The following PDGFD variants were observed in gnomAD, a reference collection of about 807,000 sequenced individuals.
The protein encoded by PDGFD is platelet derived growth factor D.
A neutral mutation model predicts 44.7 loss-of-function variants in PDGFD; 30 were observed. The observed-to-expected ratio is 0.67, with a 90% CI of 0.50 to 0.91. The LOEUF (loss-of-function observed/expected upper bound fraction) is 0.91. Among genes scored for constraint, PDGFD ranks in the 40% least tolerant of loss-of-function variants. The pLI is 0.00. For synonymous variants in PDGFD, 173 were observed against 168.4 expected, an observed-to-expected ratio of 1.03 and a Z score of -0.21; for missense variants, 445 against 457.8, an observed-to-expected ratio of 0.97 and a Z score of 0.25.
chr11:104,139,445 A>G (rs1310101978), intron 1 of PDGFD, among the ~76,000 whole-genome samples: 1 of 152,202 alleles, frequency 6.6e-6, no homozygotes, highest in Admixed American at 6.5e-5. Context: ...TAACTATCTG[A>G]TAAACGGTGA....
chr11:103,949,784 T>C (rs1292964575), intron 3 of PDGFD, among the ~76,000 whole-genome samples: 1 of 152,000 alleles, frequency 6.6e-6, no homozygotes, highest in East Asian at 1.9e-4. Context: ...CCATGGAAGG[T>C]AGTAATAGGT....
At position 104,047,581 on chromosome 11, in the gene PDGFD, G is replaced by A. The variant is rs1057455802; in HGVS notation, c.125-47326C>T. Among the ~76,000 whole-genome samples, 12 of 146,632 alleles carry A rather than the reference G, an allele frequency of 8.2e-5. 2 individuals carry two copies. The highest frequency in any genetic ancestry group is 3.0e-4 in the African/African-American group (12 of 40,314). On this transcript the variant is annotated intron_variant, in intron 1 of 6. Transcript: ENST00000393158. Reference sequence around the variant, plus strand: ...CATATCCTTTGCCCACTTTTTGATGGGGTTGTTTGCAGGTTACATTATTTT... The same window carrying A: ...CATATCCTTTGCCCACTTTTTGATGAGGTTGTTTGCAGGTTACATTATTTT...
chr11:104,020,810 A>C (rs1190903165), intron 1 of PDGFD, among the ~76,000 whole-genome samples: 2 of 152,154 alleles, frequency 1.3e-5, no homozygotes, highest in African/African-American at 4.8e-5. Flanking sequence ...TGCTAATATA[A>C]AAGTATCAAA....
At chr11:104,120,168 T>C (rs1010586999) in intron 1 of PDGFD, among the ~76,000 whole-genome samples, 1 of 151,272 alleles carries the variant, frequency 6.6e-6, no homozygotes, top group Admixed American at 6.7e-5. Context: ...GCATTGATTA[T>C]TTTTTCAGAA....
chr11:104,095,283 A>G lies in PDGFD; in HGVS notation c.124+68521T>C, dbSNP rs145532007. Among the ~76,000 whole-genome samples, 99 of 151,712 alleles carry G rather than the reference A, an allele frequency of 6.5e-4. 1 individual carries two copies. In the South Asian group the frequency reaches 0.018, roughly 28 times the overall value. On this transcript the variant is annotated intron_variant, in intron 1 of 6. Transcript: ENST00000393158. ...TAATCTCCATAATGGAAAGAGTTTG[A>G]CGTTTTTTTTTCAATACTGTATACG...
rs576888601 is a variant in PDGFD at position 104,035,065 on chromosome 11, T to C, written c.125-34810A>G. ...GTATGTGTGTGTGTGTAAGTGGGGG[T>C]GGGGGAGAGTAGGGAGAAGGTGGCT... On this transcript the variant is annotated intron_variant, in intron 1 of 6. Transcript: ENST00000393158. 7.9e-5 allele frequency among the ~76,000 whole-genome samples: 12 copies of C among 151,968 alleles called. No homozygotes were observed. In the South Asian group the frequency reaches 2.3e-3, roughly 29 times the overall value.
intron 1 of PDGFD, among the ~76,000 whole-genome samples, chr11:104,115,596 C>A (rs992520794): frequency 1.3e-5 from 2 of 151,832 alleles, no homozygotes; most frequent in African/African-American, 4.8e-5. Context: ...ACTTTTAGTT[C>A]TTTAAGAAAC....
At chr11:104,132,001 A>C (rs918068445) in intron 1 of PDGFD, among the ~76,000 whole-genome samples, 5 of 150,420 alleles carry the variant, frequency 3.3e-5, no homozygotes, top group Non-Finnish European at 5.9e-5. Context: ...ACAAAACAAA[A>C]AAAACACTAT....
chr11:104,087,462 C>T (rs551209752), intron 1 of PDGFD, among the ~76,000 whole-genome samples: 3 of 152,292 alleles, frequency 2.0e-5, no homozygotes, highest in Non-Finnish European at 2.9e-5. Flanking sequence ...CCGCCTCAGT[C>T]TCCCAAAGTG....
chr11:103,986,701 C>T (rs574871224), intron 3 of PDGFD, among the ~76,000 whole-genome samples: 126 of 152,206 alleles, frequency 8.3e-4, no homozygotes, highest in African/African-American at 2.7e-3. Flanking sequence ...GAAACAAAGA[C>T]GGTAACAGCT....
intron 5 of PDGFD, among the ~76,000 whole-genome samples, chr11:103,936,969 G>GGT (rs142956244): frequency 0.04 from 6,073 of 151,916 alleles, 398 homozygotes; most frequent in African/African-American, 0.14. Flanking sequence ...TGGAACTACA[G>GGT]GTATATGCTT....
At chr11:103,958,332 G>T (rs935778148) in intron 3 of PDGFD, among the ~76,000 whole-genome samples, 1 of 151,960 alleles carries the variant, frequency 6.6e-6, no homozygotes, top group African/African-American at 2.4e-5. Flanking sequence ...TAAAATAAAC[G>T]AATCTTCTTG....
intron 1 of PDGFD, among the ~76,000 whole-genome samples, chr11:104,125,680 T>C (rs1292175946): frequency 6.6e-6 from 1 of 152,192 alleles, no homozygotes; most frequent in Non-Finnish European, 1.5e-5. Context: ...ATTTTAGGAA[T>C]CAAATTACAT....
rs374936950 is a variant in PDGFD at position 104,095,746 on chromosome 11, G to A, written c.124+68058C>T. Among the ~76,000 whole-genome samples, 13 of 152,212 alleles carry A rather than the reference G, an allele frequency of 8.5e-5. No homozygotes were observed. The East Asian group carries it at 9.7e-4, about 11-fold the overall frequency. On this transcript the variant is annotated intron_variant, in intron 1 of 6. Transcript: ENST00000393158. ...TATCATCTCTGTAATGAACACTTGC[G>A]CATGAAATCTCCGTTACTGTTAGTG... is the stretch of plus-strand genomic sequence containing the variant.
At chr11:103,911,521 A>T (rs551645064) in intron 6 of PDGFD, among the ~76,000 whole-genome samples, 1 of 152,314 alleles carries the variant, frequency 6.6e-6, no homozygotes, top group East Asian at 1.9e-4. Flanking sequence ...AAGATGGGGA[A>T]AAACCAGTGC....
intron 1 of PDGFD, among the ~76,000 whole-genome samples, chr11:104,132,568 T>C (rs923008825): frequency 1.1e-4 from 16 of 152,060 alleles, no homozygotes; most frequent in African/African-American, 3.4e-4. Context: ...TTCTTCATGC[T>C]CCATAACATG....
At chr11:103,949,251 C>A (rs1202177517) in intron 3 of PDGFD, among the ~76,000 whole-genome samples, 1 of 152,136 alleles carries the variant, frequency 6.6e-6, no homozygotes, top group African/African-American at 2.4e-5. Flanking sequence ...GATCTACCCA[C>A]CTCGGCCCCC....
chr11:103,919,594 C>T (rs1247183682), intron 6 of PDGFD, among the ~76,000 whole-genome samples: 1 of 148,368 alleles, frequency 6.7e-6, no homozygotes, highest in African/African-American at 2.5e-5. Context: ...CTGCAACCTC[C>T]ACCTCCCGGG....
chr11:104,030,016 C>A (rs1565314690), intron 1 of PDGFD, among the ~76,000 whole-genome samples: 2 of 152,214 alleles, frequency 1.3e-5, no homozygotes, highest in East Asian at 1.9e-4. Context: ...CCTGACCTCA[C>A]GAGACGGGTC....
Sources: gnomAD v4.1 joint callset for allele counts (sites outside exome capture counted in the v4.1 genomes callset) on GRCh38, gnomAD v4.1.1 for gene constraint, MANE v1.5 for transcripts, NCBI Gene and HGNC (gene_info 2026-07-23, HGNC 2026-07-21) for gene names.